The following NTPCR variants were observed in gnomAD, a reference collection of about 807,000 sequenced individuals.
The protein encoded by NTPCR is cancer-related nucleoside-triphosphatase.
In NTPCR, 15 loss-of-function variants were observed where a neutral mutation model predicts 19.5. That is an observed-to-expected ratio of 0.77 (90% CI 0.51 to 1.18). The LOEUF is 1.18. NTPCR is among the 50% of genes most tolerant of loss of function. NTPCR has a pLI of 0.00. For synonymous variants in NTPCR, 90 were observed against 95.8 expected, an observed-to-expected ratio of 0.94 and a Z score of 0.36; for missense variants, 206 against 240.4, an observed-to-expected ratio of 0.86 and a Z score of 0.95.
intron 4 of NTPCR, chr1:232,977,218 G>C (rs1411676792): frequency 6.6e-6 from 1 of 152,534 alleles, no homozygotes; most frequent in Non-Finnish European, 1.5e-5. Context: ...AGCCTTTCCT[G>C]CCCCTGACCC....
chr1:232,959,648 A>G (rs898648589), intron 3 of NTPCR, among the ~76,000 whole-genome samples: 7 of 152,236 alleles, frequency 4.6e-5, no homozygotes, highest in African/African-American at 1.7e-4. Flanking sequence ...GATACTGGCA[A>G]TGAAAACAAC....
intron 4 of NTPCR, 32 bp downstream of exon 4, chr1:232,970,150 A>G (rs562814697): frequency 2.0e-6 from 3 of 1,533,288 alleles, no homozygotes; most frequent in Admixed American, 3.3e-5. Context: ...TAATCAGTGG[A>G]AATGGAGCAG....
chr1:232,973,920 G>A (rs1669056333), intron 4 of NTPCR, among the ~76,000 whole-genome samples: 1 of 152,190 alleles, frequency 6.6e-6, no homozygotes, highest in South Asian at 2.1e-4. Flanking sequence ...CAGAGTTTCT[G>A]GGACCTGTGG....
intron 4 of NTPCR, among the ~76,000 whole-genome samples, chr1:232,973,764 A>G (rs1215318290): frequency 6.6e-6 from 1 of 152,256 alleles, no homozygotes; most frequent in African/African-American, 2.4e-5. Flanking sequence ...TTTTAGAACT[A>G]TACAATAGCC....
chr1:232,968,088 C>G (rs908676099), intron 3 of NTPCR: 1 of 152,242 alleles, frequency 6.6e-6, no homozygotes, highest in Non-Finnish European at 1.5e-5. Flanking sequence ...TTCAGCTCCC[C>G]ACTTCTCAGC....
chr1:232,954,727 T>C (rs1036330081), intron 1 of NTPCR, among the ~76,000 whole-genome samples: 5 of 152,208 alleles, frequency 3.3e-5, no homozygotes, highest in African/African-American at 1.2e-4. Flanking sequence ...CAAAGTGTGC[T>C]AGAACAGTGT....
At chr1:232,957,081 T>A (rs1349478365) in intron 3 of NTPCR, among the ~76,000 whole-genome samples, 1 of 152,192 alleles carries the variant, frequency 6.6e-6, no homozygotes, top group Non-Finnish European at 1.5e-5. Flanking sequence ...CTGTGTCTTA[T>A]TTGTATAGAG....
At chr1:232,959,128 G>T (rs780309426) in intron 3 of NTPCR, among the ~76,000 whole-genome samples, 14 of 152,160 alleles carry the variant, frequency 9.2e-5, no homozygotes, top group Non-Finnish European at 1.8e-4. Context: ...ATCTCATCTT[G>T]AATTGTAATC....
Position 232,956,392 on chromosome 1 carries a change from T to G in NTPCR, c.243T>G (p.Tyr81Ter), listed in dbSNP as rs771332067. 6.2e-7 allele frequency: 1 copy of G among 1,614,036 alleles called. No homozygotes were observed. ...AACGTGAATGCCGAGTTGGGCAGTATGTGGTCGACCTGACTTCTTTTGAGC... is the reference window on the plus strand; with the variant it reads ...AACGTGAATGCCGAGTTGGGCAGTAGGTGGTCGACCTGACTTCTTTTGAGC... ...PGKRECRVGQ[Y>*]VVDLTSFEQL... The change falls in exon 3 of 5, where the codon TAT becomes TAG. Residue 81 changes from tyrosine (Y) to a stop codon, truncating the protein, a stop_gained. Coordinates refer to ENST00000366628, the MANE Select transcript of NTPCR (RefSeq NM_032324.3). LOFTEE classifies it high-confidence loss of function.
chr1:232,965,991 A>G (rs1009984457), intron 3 of NTPCR: 2 of 152,334 alleles, frequency 1.3e-5, no homozygotes, highest in Non-Finnish European at 2.9e-5. Context: ...ACCAGGCGCC[A>G]TCGGGCAGTC....
intron 4 of NTPCR, among the ~76,000 whole-genome samples, chr1:232,973,424 A>C (rs1351587175): frequency 6.6e-6 from 1 of 152,228 alleles, no homozygotes; most frequent in East Asian, 1.9e-4. Flanking sequence ...TGTTATTTAT[A>C]ATACAAGCAT....
At chr1:232,957,098 C>T (rs552641685) in intron 3 of NTPCR, among the ~76,000 whole-genome samples, 1 of 152,266 alleles carries the variant, frequency 6.6e-6, no homozygotes, top group Admixed American at 6.5e-5. Context: ...AGAGTTTACT[C>T]AGGCGTATTT....
At chr1:232,953,011 G>A (rs1004445875) in intron 1 of NTPCR, among the ~76,000 whole-genome samples, 5 of 152,142 alleles carry the variant, frequency 3.3e-5, no homozygotes, top group African/African-American at 1.2e-4. Context: ...AAAGTTAGTT[G>A]ATAAATTCCC....
intron 4 of NTPCR, 63 bp from the exon 5 acceptor site, chr1:232,978,100 C>G: frequency 7.1e-7 from 1 of 1,413,726 alleles, no homozygotes; most frequent in South Asian, 1.2e-5. Flanking sequence ...AGAGAGTTAC[C>G]TAGCACAAGA....
intron 3 of NTPCR, chr1:232,964,726 C>T (rs1016713901): frequency 3.9e-5 from 6 of 152,222 alleles, no homozygotes; most frequent in Admixed American, 1.3e-4. Flanking sequence ...TATTTGTATC[C>T]GGTTACCTCC....
chr1:232,959,274 C>G (rs1394461264), intron 3 of NTPCR, among the ~76,000 whole-genome samples: 1 of 152,178 alleles, frequency 6.6e-6, no homozygotes, highest in African/African-American at 2.4e-5. Context: ...CCTGCACTCT[C>G]TCTCTCCCGC....
At position 232,978,174 on chromosome 1, in the gene NTPCR, A is replaced by G; in HGVS notation, c.516A>G (p.Glu172=). 6.2e-7 allele frequency: 1 copy of G among 1,614,138 alleles called. No homozygotes were observed. Among genetic ancestry groups the G allele is most frequent in the Non-Finnish European group, 8.5e-7 (1 of 1,179,958 alleles). Residue 172 remains glutamate, a synonymous_variant, in exon 5 of 5, where the codon GAA becomes GAG. Transcript: ENST00000366628. The part of the protein sequence containing the change: ...KDVKVFNVTK[E]NRNHLLPDIV... ...ACTTCTTCCCACAGGTCACCAAGGAAAACAGAAACCACCTTCTGCCAGATA... is the reference window on the plus strand; with the variant it reads ...ACTTCTTCCCACAGGTCACCAAGGAGAACAGAAACCACCTTCTGCCAGATA...
rs1304407161 is a variant in NTPCR, at chr1:232,974,981, GT to G, written c.505-3180del. ...AATTTGTTTTTCAGAACTCTAAGAG[GT>G]TATTACCATTGTATCCCATTGAGTT... On this transcript the variant is annotated intron_variant, in intron 4 of 4. Transcript: ENST00000366628. 1.6e-4 allele frequency among the ~76,000 whole-genome samples: 25 copies of G among 152,200 alleles called. 1 individual carries two copies. The highest frequency in any genetic ancestry group is 5.1e-4 in the African/African-American group (21 of 41,446).
At chr1:232,954,909 G>A (rs1338752750) in intron 1 of NTPCR, among the ~76,000 whole-genome samples, 1 of 152,114 alleles carries the variant, frequency 6.6e-6, no homozygotes, top group South Asian at 2.1e-4. Flanking sequence ...GGGAAGGTGT[G>A]GGGGATAAAG....
Sources: allele counts gnomAD v4.1 joint callset (sites outside exome capture counted in the v4.1 genomes callset), GRCh38; gene constraint gnomAD v4.1.1; transcripts MANE v1.5; gene names NCBI Gene and HGNC (gene_info 2026-07-23, HGNC 2026-07-21).